FCGRT: variants seen among roughly 807,000 people sequenced by gnomAD.
FCGRT encodes the protein IgG receptor FcRn large subunit p51.
Under a neutral mutation model 35.7 loss-of-function variants are expected in FCGRT, and 13 were observed. That is an observed-to-expected ratio of 0.36 (90% CI 0.24 to 0.58). FCGRT has a LOEUF of 0.58. Among genes scored for constraint, FCGRT ranks in the 20% least tolerant of loss-of-function variants. The pLI, the probability that FCGRT is intolerant of heterozygous loss-of-function variation, is 0.77. For synonymous variants in FCGRT, 233 were observed against 216.5 expected (o/e 1.08, Z -0.67); for missense variants, 455 against 474.9 (o/e 0.96, Z 0.39).
intron 6 of FCGRT, 45 bp downstream of exon 6, chr19:49,525,618 C>T: frequency 1.5e-6 from 2 of 1,367,016 alleles, no homozygotes; most frequent in Non-Finnish European, 2.1e-6. Flanking sequence ...GGGACAGAGA[C>T]CCCAAGAGAG....
chr19:49,517,541 A>AAAGGAAGGAAGGAAGGAAGG (rs56387904), intron 4 of FCGRT, among the ~76,000 whole-genome samples: 1 of 151,236 alleles, frequency 6.6e-6, no homozygotes, highest in African/African-American at 2.4e-5. Flanking sequence ...AAGAGGAAGG[A>AAAGGAAGGAAGGAAGGAAGG]AAGGAAGGAA....
At chr19:49,521,031 C>G (rs1039784584) in intron 4 of FCGRT, 9 of 152,346 alleles carry the variant, frequency 5.9e-5, no homozygotes, top group African/African-American at 1.9e-4. Flanking sequence ...ATGCCCAGTC[C>G]TAGGCAGTTG....
intron 5 of FCGRT, chr19:49,525,158 G>A (rs895111052): frequency 7.8e-6 from 4 of 512,136 alleles, no homozygotes; most frequent in Non-Finnish European, 1.5e-5. Flanking sequence ...CTACTGCCCG[G>A]GCCCATGAGA....
At chr19:49,524,013 C>CTTTTTTTTTTTTTTT (rs200152928) in intron 4 of FCGRT, among the ~76,000 whole-genome samples, 1 of 144,704 alleles carries the variant, frequency 6.9e-6, no homozygotes. Context: ...TATCCTCTAT[C>CTTTTTTTTTTTTTTT]TTTTTTTTTT....
chr19:49,513,804 C>G (rs958891163), intron 2 of FCGRT, 78 bp from the exon 3 acceptor site: 1 of 1,004,220 alleles, frequency 1.0e-6, no homozygotes, highest in African/African-American at 1.9e-5. Flanking sequence ...ATAGATTCTT[C>G]TCCCTCCCTG....
chr19:49,521,580 A>G (rs2080041285), intron 4 of FCGRT: 1 of 151,690 alleles, frequency 6.6e-6, no homozygotes, highest in African/African-American at 2.4e-5. Context: ...AAAAAAAAAA[A>G]AAAAGGAAAA....
chr19:49,513,712 T>TTTTCTCTCTC (rs371498088), intron 2 of FCGRT, 170 bp from the exon 3 acceptor site: 1 of 567,036 alleles, frequency 1.8e-6, no homozygotes, highest in Non-Finnish European at 2.9e-6. Flanking sequence ...TCTGGGTCTC[T>TTTTCTCTCTC]TGTCTCTCTC....
At chr19:49,517,910 C>T (rs1184688876) in intron 4 of FCGRT, among the ~76,000 whole-genome samples, 1 of 152,140 alleles carries the variant, frequency 6.6e-6, no homozygotes, top group East Asian at 1.9e-4. Flanking sequence ...CCAGGCTGGT[C>T]TTGAACTCCT....
intron 4 of FCGRT, among the ~76,000 whole-genome samples, chr19:49,515,477 C>T (rs1324611779): frequency 2.0e-5 from 3 of 151,964 alleles, no homozygotes; most frequent in South Asian, 4.1e-4. Flanking sequence ...GATGGGGTTT[C>T]GTCATGGTAG....
rs551367380 is a variant in FCGRT, at chr19:49,514,943, C to T, written c.601+457C>T. On this transcript the variant is annotated intron_variant, in intron 4 of 6. Transcript: ENST00000221466. ...CTGACCTCAGGTGATCCGCCCACCT[C>T]AGCCTCCCAAAGTGCTGGGATTACA... Among the ~76,000 whole-genome samples the T allele has an allele frequency of 5.9e-5, 9 of 151,798 alleles. No homozygotes were observed. The South Asian group carries it at 1.9e-3, about 32-fold the overall frequency.
At chr19:49,514,606 A>G (rs987011242) in intron 4 of FCGRT, 120 bp downstream of exon 4, 5 of 956,860 alleles carry the variant, frequency 5.2e-6, no homozygotes, top group Non-Finnish European at 7.4e-6. Flanking sequence ...CTGCCCCCCC[A>G]TTCCTCAGGG....
At chr19:49,524,047 C>G (rs1410610929) in intron 4 of FCGRT, among the ~76,000 whole-genome samples, 5 of 147,702 alleles carry the variant, frequency 3.4e-5, no homozygotes, top group Non-Finnish European at 7.4e-5. Flanking sequence ...GAGACGGGGT[C>G]TCACTCTGTC....
intron 4 of FCGRT, among the ~76,000 whole-genome samples, chr19:49,517,142 T>C (rs974626652): frequency 1.3e-5 from 2 of 151,832 alleles, no homozygotes; most frequent in African/African-American, 4.8e-5. Context: ...AGTGAACTGA[T>C]TGCAACTCTG....
At chr19:49,519,158 C>T (rs1049177037) in intron 4 of FCGRT, among the ~76,000 whole-genome samples, 1 of 152,122 alleles carries the variant, frequency 6.6e-6, no homozygotes, top group African/African-American at 2.4e-5. Flanking sequence ...CAATTTTTTA[C>T]CAGATAGGTG....
intron 4 of FCGRT, among the ~76,000 whole-genome samples, chr19:49,517,032 ACT>A (rs1013791778): frequency 5.3e-5 from 8 of 151,630 alleles, no homozygotes; most frequent in African/African-American, 1.5e-4. Flanking sequence ...TCTACTAAAA[ACT>A]CAAAAAATTA....
In FCGRT at chr19:49,514,293, C is replaced by T. The variant is rs2079993017; in HGVS notation, c.408C>T (p.Asn136=). 5 of 1,612,486 alleles carry T rather than the reference C, an allele frequency of 3.1e-6. No individual in the cohort carries two copies. Among genetic ancestry groups the T allele is most frequent in the Non-Finnish European group, 4.2e-6 (5 of 1,179,490 alleles). Reference sequence around the variant, plus strand: ...TGCCCACCGCCAAGTTCGCCCTGAACGGCGAGGAGTTCATGAATTTCGACC... The same window carrying T: ...TGCCCACCGCCAAGTTCGCCCTGAATGGCGAGGAGTTCATGAATTTCGACC... ...TSVPTAKFAL[N]GEEFMNFDLK... is the part of the protein sequence containing the mutation. Residue 136 remains asparagine (N), a synonymous_variant, in exon 4 of 7, where the codon AAC becomes AAT. Transcript: ENST00000221466.
chr19:49,523,266 A>G lies in FCGRT; in HGVS notation c.602-1241A>G, dbSNP rs557869826. ...TTTAGTTTTTGGAAAGTTTTAAACTATGGATTAAAAATTTTAAATAGGCCG... is the reference window on the plus strand; with the variant it reads ...TTTAGTTTTTGGAAAGTTTTAAACTGTGGATTAAAAATTTTAAATAGGCCG... On this transcript the variant is annotated intron_variant, in intron 4 of 6. Transcript: ENST00000221466. 1.1e-4 allele frequency among the ~76,000 whole-genome samples: 17 copies of G among 152,112 alleles called. 1 individual carries two copies. In the South Asian group the frequency reaches 2.9e-3, roughly 26 times the overall value.
intron 4 of FCGRT, 69 bp downstream of exon 4, chr19:49,514,555 C>T (rs1243671289): frequency 2.5e-5 from 36 of 1,417,390 alleles, no homozygotes; most frequent in Non-Finnish European, 3.0e-5. Context: ...CTCAGTTCCC[C>T]TGCCAGGACC....
At chr19:49,516,475 T>C (rs2080008463) in intron 4 of FCGRT, among the ~76,000 whole-genome samples, 1 of 150,512 alleles carries the variant, frequency 6.6e-6, no homozygotes. Flanking sequence ...ATGGTCTCGA[T>C]CTTTTGACCT....
Sources: gnomAD v4.1 joint callset for allele counts (sites outside exome capture counted in the v4.1 genomes callset) on GRCh38, gnomAD v4.1.1 for gene constraint, MANE v1.5 for transcripts, NCBI Gene and HGNC (gene_info 2026-07-23, HGNC 2026-07-21) for gene names.